The following DISC1 variants were observed in gnomAD, a reference collection of about 807,000 sequenced individuals.
The protein encoded by DISC1 is disrupted in schizophrenia 1 protein.
A neutral mutation model predicts 84.5 loss-of-function variants in DISC1; 57 were observed. That is an observed-to-expected ratio of 0.67 (90% CI 0.55 to 0.84). DISC1 has a LOEUF of 0.84. Among genes scored for constraint, DISC1 ranks in the 40% least tolerant of loss-of-function variants. DISC1 has a pLI of 0.00. For synonymous variants in DISC1, 411 were observed against 415.2 expected (o/e 0.99, Z 0.12); for missense variants, 1,000 against 1,057.8 (o/e 0.95, Z 0.76).
chr1:231,990,133 T>C (rs995348358), intron 10 of DISC1, among the ~76,000 whole-genome samples: 7 of 152,114 alleles, frequency 4.6e-5, no homozygotes, highest in African/African-American at 1.7e-4. Flanking sequence ...TTAGGGCCAC[T>C]GAGTTATGGG....
At chr1:232,024,991 C>G (rs1304266616) in intron 11 of DISC1, among the ~76,000 whole-genome samples, 1 of 152,098 alleles carries the variant, frequency 6.6e-6, no homozygotes, top group African/African-American at 2.4e-5. Flanking sequence ...CTTGCTTCTC[C>G]CCCTGCTTTA....
chr1:231,955,211 C>T (rs762360964), intron 9 of DISC1, among the ~76,000 whole-genome samples: 5 of 152,188 alleles, frequency 3.3e-5, no homozygotes, highest in Non-Finnish European at 5.9e-5. Context: ...TCTTAAGTTA[C>T]TCCCACTTCC....
At chr1:231,722,446 T>C in intron 3 of DISC1, 3 of 1,587,434 alleles carry the variant, frequency 1.9e-6, no homozygotes, top group Non-Finnish European at 2.6e-6. Context: ...GTGTCCAGCA[T>C]AAACATCACA....
Position 231,758,011 on chromosome 1 carries a change from G to C in DISC1, c.1268+7935G>C, listed in dbSNP as rs540337385. Among the ~76,000 whole-genome samples, 4 of 150,870 alleles carry C rather than the reference G, an allele frequency of 2.7e-5. No homozygotes were observed. In the South Asian group the frequency reaches 8.4e-4, roughly 32 times the overall value. ...ACCTGTGTGAGGAGGGGTGGGGGTG[G>C]ATAATGCCCCAGCCTACCCAGCCTC... is the stretch of plus-strand genomic sequence containing the variant. On this transcript the variant is annotated intron_variant, in intron 4 of 12. Transcript: ENST00000439617.
At chr1:231,775,432 AC>A (rs1209770251) in intron 6 of DISC1, among the ~76,000 whole-genome samples, 4 of 152,116 alleles carry the variant, frequency 2.6e-5, no homozygotes, top group Admixed American at 1.3e-4. Context: ...GGTCAAGGAC[AC>A]CCAGTGATTT....
At chr1:231,784,280 G>T (rs976709247) in intron 6 of DISC1, among the ~76,000 whole-genome samples, 5 of 147,270 alleles carry the variant, frequency 3.4e-5, no homozygotes, top group South Asian at 2.1e-4. Flanking sequence ...AAAAAAAAAA[G>T]TGACACCTCA....
At chr1:231,832,751 G>A (rs188916269) in intron 9 of DISC1, among the ~76,000 whole-genome samples, 2 of 146,290 alleles carry the variant, frequency 1.4e-5, no homozygotes, top group African/African-American at 5.1e-5. Flanking sequence ...GAGTATATGG[G>A]TTTGGCACCA....
rs551312921 is a variant in DISC1, at chr1:231,985,614, G to A, written c.2043-23171G>A. ...AATTTTGAAATAGTTTTCAATTGAA[G>A]CCTTTGTTTGTAACCAGTAGCACAG... On this transcript the variant is annotated intron_variant, in intron 10 of 12. Coordinates refer to ENST00000439617, the MANE Select transcript of DISC1 (RefSeq NM_018662.3). Among the ~76,000 whole-genome samples, 6 of 152,306 alleles carry A rather than the reference G, an allele frequency of 3.9e-5. No individual in the cohort carries two copies. In the East Asian group the frequency reaches 1.2e-3, roughly 29 times the overall value.
intron 10 of DISC1, among the ~76,000 whole-genome samples, chr1:232,007,137 G>A (rs540597143): frequency 1.3e-5 from 2 of 152,232 alleles, no homozygotes; most frequent in African/African-American, 2.4e-5. Context: ...CAGGGGTGGA[G>A]CACTCATGGA....
intron 8 of DISC1, among the ~76,000 whole-genome samples, chr1:231,807,300 C>T (rs1302579235): frequency 2.0e-5 from 3 of 152,226 alleles, no homozygotes; most frequent in Non-Finnish European, 2.9e-5. Context: ...TGAGGCCCGG[C>T]GAGTAGTCAA....
In DISC1 at chr1:232,031,754, AAC is replaced by A. The variant is rs1340823468; in HGVS notation, c.2426-4934_2426-4933del. ...GAGGTGGGCTTGGCACAAGGTAGGC[AAC>A]ACAGAGTTTCTGTGTACAAGCATCA... is the stretch of plus-strand genomic sequence containing the variant. On this transcript the variant is annotated intron_variant, in intron 12 of 12. Transcript: ENST00000439617. The surrounding 1 kb of genome is among the most constrained non-coding windows in gnomAD (Gnocchi z 4.6). Among the ~76,000 whole-genome samples, 1 of 152,168 alleles carries A rather than the reference AAC, an allele frequency of 6.6e-6. No homozygotes were observed. The highest frequency in any genetic ancestry group is 1.5e-5 in the Non-Finnish European group (1 of 68,036).
At chr1:231,800,259 C>T (rs1343523971) in intron 8 of DISC1, 49 bp downstream of exon 8, 5 of 1,376,940 alleles carry the variant, frequency 3.6e-6, no homozygotes, top group Admixed American at 1.7e-5. Context: ...AAAATAATGA[C>T]AGCTACCAGC....
At chr1:231,713,320 G>A (rs1041065559) in intron 3 of DISC1, among the ~76,000 whole-genome samples, 3 of 152,098 alleles carry the variant, frequency 2.0e-5, no homozygotes, top group African/African-American at 7.2e-5. Context: ...CCCTGAGAAA[G>A]CCCAGCCATC....
chr1:231,957,960 C>T lies in DISC1; in HGVS notation c.1982-868C>T, dbSNP rs575939181. On this transcript the variant is annotated intron_variant, in intron 9 of 12. Transcript: ENST00000439617. Reference sequence around the variant, plus strand: ...TACATGAGCCCTTCAGCATAAATAACCCTTCAGAATAAAGGTTGTAATAAA... The same window carrying T: ...TACATGAGCCCTTCAGCATAAATAATCCTTCAGAATAAAGGTTGTAATAAA... 1.3e-4 allele frequency among the ~76,000 whole-genome samples: 20 copies of T among 152,240 alleles called. No individual in the cohort carries two copies. In the South Asian group the frequency reaches 3.9e-3, roughly 30 times the overall value.
intron 1 of DISC1, among the ~76,000 whole-genome samples, chr1:231,685,923 C>T (rs2064216181): frequency 6.6e-6 from 1 of 152,060 alleles, no homozygotes; most frequent in African/African-American, 2.4e-5. Flanking sequence ...AGAAATTGGC[C>T]AAAACAAAGG....
chr1:231,822,772 T>C (rs1246706683), intron 9 of DISC1, among the ~76,000 whole-genome samples: 1 of 152,154 alleles, frequency 6.6e-6, no homozygotes, highest in African/African-American at 2.4e-5. Flanking sequence ...CTGCTTCTGG[T>C]GAGGGCCTCA....
At chr1:231,681,704 T>A (rs2063712008) in intron 1 of DISC1, among the ~76,000 whole-genome samples, 1 of 152,108 alleles carries the variant, frequency 6.6e-6, no homozygotes, top group African/African-American at 2.4e-5. Context: ...GACATTTATT[T>A]TTTTTTTTTA....
At chr1:231,898,196 G>A (rs865868737) in intron 9 of DISC1, among the ~76,000 whole-genome samples, 1 of 152,168 alleles carries the variant, frequency 6.6e-6, no homozygotes, top group Non-Finnish European at 1.5e-5. Context: ...TTTAACAATG[G>A]TTATAATAAT....
chr1:231,648,354 T>C (rs1443464317), intron 1 of DISC1, among the ~76,000 whole-genome samples: 1 of 152,256 alleles, frequency 6.6e-6, no homozygotes, highest in Admixed American at 6.5e-5. Flanking sequence ...ATGTGATGGA[T>C]TACGTTTATT....
Sources: allele counts gnomAD v4.1 joint callset (sites outside exome capture counted in the v4.1 genomes callset), GRCh38; gene constraint gnomAD v4.1.1; non-coding constraint Gnocchi (gnomAD v3.1); transcripts MANE v1.5; gene names NCBI Gene and HGNC (gene_info 2026-07-23, HGNC 2026-07-21).